PNPT1: variants seen among roughly 807,000 people sequenced by gnomAD.
PNPT1 encodes polyribonucleotide nucleotidyltransferase 1, mitochondrial.
A neutral mutation model predicts 119.5 loss-of-function variants in PNPT1; 53 were observed. The ratio of observed to expected loss-of-function variants is 0.44; its 90% CI spans 0.36 to 0.56. The LOEUF is 0.56. Among genes scored for constraint, PNPT1 ranks in the 20% least tolerant of loss-of-function variants. The pLI, the probability that PNPT1 is intolerant of heterozygous loss-of-function variation, is 0.00. For synonymous variants in PNPT1, 357 were observed against 322.1 expected (o/e 1.11, Z -1.16); for missense variants, 948 against 938.5 (o/e 1.01, Z -0.13).
At chr2:55,676,089 C>T (rs186254686) in intron 8 of PNPT1, among the ~76,000 whole-genome samples, 137 of 151,040 alleles carry the variant, frequency 9.1e-4, no homozygotes, top group African/African-American at 3.3e-3. Flanking sequence ...GTTGAAACCC[C>T]ATCTCTACTA....
chr2:55,654,773 G>C, intron 18 of PNPT1, 127 bp downstream of exon 18: 2 of 750,116 alleles, frequency 2.7e-6, no homozygotes, highest in Non-Finnish European at 4.6e-6. Context: ...ATGAGGTCTT[G>C]CTATGTTGCC....
intron 17 of PNPT1, among the ~76,000 whole-genome samples, chr2:55,655,699 G>T (rs1284466833): frequency 1.3e-5 from 2 of 152,114 alleles, no homozygotes; most frequent in Non-Finnish European, 2.9e-5. Context: ...TTTAATGACT[G>T]CACCGTACCT....
chr2:55,691,878 A>ATTTTTTTTTT (rs1227966046), intron 1 of PNPT1, among the ~76,000 whole-genome samples: 23 of 33,078 alleles, frequency 7.0e-4, no homozygotes, highest in South Asian at 1.8e-3. Context: ...ATATATATAT[A>ATTTTTTTTTT]TTTTTTTTTT....
chr2:55,677,670 C>T (rs1255448541), intron 8 of PNPT1, among the ~76,000 whole-genome samples: 1 of 144,588 alleles, frequency 6.9e-6, no homozygotes, highest in Non-Finnish European at 1.5e-5. Flanking sequence ...TAGAAGGGTT[C>T]AAACTCTAAG....
intron 26 of PNPT1, among the ~76,000 whole-genome samples, chr2:55,638,730 G>T (rs1341383745): frequency 1.3e-5 from 2 of 152,012 alleles, no homozygotes; most frequent in Non-Finnish European, 2.9e-5. Context: ...TATGTGTACG[G>T]CATTTATAAA....
At chr2:55,652,277 T>C (rs1308402854) in intron 18 of PNPT1, among the ~76,000 whole-genome samples, 2 of 152,228 alleles carry the variant, frequency 1.3e-5, no homozygotes, top group African/African-American at 4.8e-5. Context: ...AGCCCTACTC[T>C]AGCAATTCAA....
At chr2:55,659,623 CT>C (rs1696499027) in intron 15 of PNPT1, among the ~76,000 whole-genome samples, 1 of 151,770 alleles carries the variant, frequency 6.6e-6, no homozygotes, top group Non-Finnish European at 1.5e-5. Context: ...ACTTATCTCT[CT>C]AAAGTACTTA....
chr2:55,677,378 G>A (rs1161898901), intron 8 of PNPT1, among the ~76,000 whole-genome samples: 1 of 152,096 alleles, frequency 6.6e-6, no homozygotes, highest in African/African-American at 2.4e-5. Context: ...CAGATCACTT[G>A]AGGCCAGGAA....
intron 14 of PNPT1, among the ~76,000 whole-genome samples, chr2:55,661,568 C>T (rs1055921421): frequency 2.6e-5 from 4 of 152,134 alleles, no homozygotes; most frequent in Admixed American, 2.0e-4. Flanking sequence ...TTTTCATTAA[C>T]GAGGTTTTTC....
intron 18 of PNPT1, among the ~76,000 whole-genome samples, chr2:55,649,754 A>C (rs530201456): frequency 1.3e-5 from 2 of 152,376 alleles, no homozygotes; most frequent in African/African-American, 4.8e-5. Flanking sequence ...TGGTCAAATA[A>C]ATTTGGAAAA....
intron 13 of PNPT1, among the ~76,000 whole-genome samples, chr2:55,666,657 T>A (rs996749657): frequency 1.3e-5 from 2 of 152,106 alleles, no homozygotes; most frequent in South Asian, 4.1e-4. Flanking sequence ...TTGGGCAACA[T>A]AGTAAGACCT....
At chr2:55,646,149 T>C (rs1256312944) in intron 21 of PNPT1, 110 bp downstream of exon 21, 10 of 1,080,996 alleles carry the variant, frequency 9.3e-6, no homozygotes, top group Non-Finnish European at 1.3e-5. Context: ...ATCTAAGTTA[T>C]ATGAAATTCC....
Position 55,643,343 on chromosome 2 carries a change from G to A in PNPT1, c.1989C>T (p.Phe663=), listed in dbSNP as rs760643019. The change falls in exon 24 of 28, where the codon TTC becomes TTT. Residue 663 remains phenylalanine (F), a synonymous_variant. Coordinates refer to ENST00000447944, the MANE Select transcript of PNPT1 (RefSeq NM_033109.5). ...TPSAMHEARD[F]ITEICKDDQE... ...CATCATCCTTGCAGATTTCAGTAAT[G>A]AAGTCTCTTGCCTCATGCATAGCAC... 1.2e-6 allele frequency: 2 copies of A among 1,614,140 alleles called. No homozygotes were observed. Among genetic ancestry groups the A allele is most frequent in the Non-Finnish European group, 1.7e-6 (2 of 1,179,992 alleles).
In PNPT1 at chr2:55,648,022, G is replaced by A. The variant is rs188255094; in HGVS notation, c.1496-569C>T. 2.4e-4 allele frequency among the ~76,000 whole-genome samples: 37 copies of A among 152,148 alleles called. 1 individual carries two copies. The highest frequency in any genetic ancestry group is 5.9e-4 in the Admixed American group (9 of 15,276). ...AAACTTTATAACTTTTAAATTATCCGTTGGTTTGCTTTTTTGCTTCAGGTG... is the reference window on the plus strand; with the variant it reads ...AAACTTTATAACTTTTAAATTATCCATTGGTTTGCTTTTTTGCTTCAGGTG... On this transcript the variant is annotated intron_variant, in intron 18 of 27. Transcript: ENST00000447944.
At chr2:55,644,204 A>T (rs1259619405) in intron 23 of PNPT1, among the ~76,000 whole-genome samples, 2 of 152,202 alleles carry the variant, frequency 1.3e-5, no homozygotes, top group East Asian at 3.8e-4. Flanking sequence ...AGTAACCTCA[A>T]ACCTTGAAGT....
intron 18 of PNPT1, among the ~76,000 whole-genome samples, chr2:55,651,373 G>T (rs1696193862): frequency 6.6e-6 from 1 of 152,096 alleles, no homozygotes; most frequent in Non-Finnish European, 1.5e-5. Context: ...TCGGATGGTT[G>T]CCGTGTCTGT....
chr2:55,640,793 A>G, intron 25 of PNPT1, 88 bp from the exon 26 acceptor site: 4 of 946,000 alleles, frequency 4.2e-6, no homozygotes, highest in Non-Finnish European at 6.4e-6. Context: ...ATATGAGGAA[A>G]AAGTAAAAAA....
At chr2:55,636,680 C>T (rs1385717283) in intron 27 of PNPT1, among the ~76,000 whole-genome samples, 1 of 152,170 alleles carries the variant, frequency 6.6e-6, no homozygotes, top group Non-Finnish European at 1.5e-5. Context: ...GGAACAGTCA[C>T]AGGCATAGTG....
chr2:55,636,376 C>T lies in PNPT1; in HGVS notation c.2213G>A (p.Arg738His), dbSNP rs574670461. The stretch of plus-strand genomic sequence containing the variant: ...CCTCATTCTTCCATCGGCTGGGTCA[C>T]GTCCAAAGTATTTCACCTGTGTTAA... ...GQEIQVKYFGRDPADGRMRLS... is the reference protein window; with the variant it reads ...GQEIQVKYFGHDPADGRMRLS... The change falls in exon 28 of 28, where the codon CGT (arginine) becomes CAT (histidine). Residue 738 changes from arginine to histidine, a missense_variant. By Grantham distance (29) the Arg-to-His change is conservative. Transcript: ENST00000447944. 196 of 1,613,942 alleles carry T rather than the reference C, an allele frequency of 1.2e-4. No homozygotes were observed. In the South Asian group the frequency reaches 1.8e-3, roughly 15 times the overall value.
Sources: allele counts gnomAD v4.1 joint callset (sites outside exome capture counted in the v4.1 genomes callset), GRCh38; gene constraint gnomAD v4.1.1; transcripts MANE v1.5; gene names NCBI Gene and HGNC (gene_info 2026-07-23, HGNC 2026-07-21).